TP63: variants seen among roughly 807,000 people sequenced by gnomAD.
TP63 encodes the protein tumor protein p63.
Under a neutral mutation model 82.8 loss-of-function variants are expected in TP63, and 17 were observed. The observed-to-expected ratio is 0.21, with a 90% CI of 0.14 to 0.31. The LOEUF is 0.31. TP63 is among the 10% of genes least tolerant of loss of function. The pLI is 1.00. For missense variants in TP63, 648 were observed against 895.3 expected (o/e 0.72, Z 3.52); for synonymous variants, 330 against 321.7 (o/e 1.03, Z -0.28).
At chr3:189,707,761 A>G (rs55708425) in intron 1 of TP63, among the ~76,000 whole-genome samples, 24,545 of 152,206 alleles carry the variant, frequency 0.16, 2,547 homozygotes, top group Non-Finnish European at 0.23. Context: ...CAATAAGGCA[A>G]ATTTATTGCC....
chr3:189,800,476 A>T (rs202160066), intron 3 of TP63, among the ~76,000 whole-genome samples: 1 of 35,890 alleles, frequency 2.8e-5, no homozygotes, highest in Non-Finnish European at 1.1e-4. Context: ...TTTAATGAGT[A>T]AAAAAAAAAA....
At chr3:189,877,927 G>T (rs1170534975) in intron 10 of TP63, among the ~76,000 whole-genome samples, 1 of 152,056 alleles carries the variant, frequency 6.6e-6, no homozygotes, top group Non-Finnish European at 1.5e-5. Flanking sequence ...TTTTGCCCAG[G>T]CTGGACTTGG....
rs1276675867 is a variant in TP63 at position 189,738,673 on chromosome 3, A to G, written c.223A>G (p.Asn75Asp). ...PICSVQPIDL[N>D]FVDEPSEDGA... Reference sequence around the variant, plus strand: ...ATGTTCAGTTCAGCCCATTGACTTGAACTTTGTGGATGAACCATCAGAAGA... The same window carrying G: ...ATGTTCAGTTCAGCCCATTGACTTGGACTTTGTGGATGAACCATCAGAAGA... The change falls in exon 3 of 14, where the codon AAC (asparagine) becomes GAC (aspartate). Residue 75 changes from asparagine (N) to aspartate (D), a missense_variant. Around this residue, in one of 5 missense-constraint regions of TP63, gnomAD observed 182 missense variants for 213.6 expected, o/e 0.85. Transcript: ENST00000264731. 1.2e-6 allele frequency: 2 copies of G among 1,614,090 alleles called. No homozygotes were observed. Among genetic ancestry groups the G allele is most frequent in the South Asian group, 2.2e-5 (2 of 91,080 alleles).
At chr3:189,620,305 A>G in the TP63 span, among the ~76,000 whole-genome samples, 2 of 152,122 alleles carry the variant, frequency 1.3e-5, no homozygotes, top group African/African-American at 2.4e-5. Context: ...CGGGCAGACC[A>G]TGAGGTCAAG....
chr3:189,641,999 T>C (rs541568615), intron 1 of TP63, among the ~76,000 whole-genome samples: 1 of 152,254 alleles, frequency 6.6e-6, no homozygotes, highest in South Asian at 2.1e-4. Flanking sequence ...GACCCAAAGA[T>C]TTTACTGCTT....
chr3:189,866,300 G>A (rs1431196115), intron 5 of TP63, among the ~76,000 whole-genome samples: 1 of 152,090 alleles, frequency 6.6e-6, no homozygotes, highest in Non-Finnish European at 1.5e-5. Flanking sequence ...CATTTTCTCA[G>A]TTAAACTGAT....
At chr3:189,663,331 A>G (rs919074233) in intron 1 of TP63, among the ~76,000 whole-genome samples, 3 of 152,066 alleles carry the variant, frequency 2.0e-5, no homozygotes, top group Non-Finnish European at 2.9e-5. Flanking sequence ...TTTTTCATCA[A>G]TGAAAGAAAT....
At chr3:189,874,230 T>C (rs1718768504) in intron 10 of TP63, among the ~76,000 whole-genome samples, 1 of 152,076 alleles carries the variant, frequency 6.6e-6, no homozygotes, top group Admixed American at 6.5e-5. Context: ...CCACCATGCC[T>C]GGCAGATTTT....
In TP63 at chr3:189,894,336, T is replaced by G. The variant is rs372318389; in HGVS notation, c.1877T>G (p.Val626Gly). Reference sequence around the variant, plus strand: ...CGGACCCCAAGCAGTGCCTCTACAGTCAGTGTGGGCTCCAGTGAGACCCGG... The same window carrying G: ...CGGACCCCAAGCAGTGCCTCTACAGGCAGTGTGGGCTCCAGTGAGACCCGG... Reference protein sequence around the residue: ...LLRTPSSASTVSVGSSETRGE... With the variant: ...LLRTPSSASTGSVGSSETRGE... Residue 626 changes from valine to glycine, a missense_variant, in exon 14 of 14, where the codon GTC (valine) becomes GGC (glycine). By Grantham distance (109) the Val-to-Gly change is moderately radical. This residue lies in a region of TP63 where 342 missense variants were observed against 425.7 expected (regional missense o/e 0.80). Coordinates refer to ENST00000264731, the MANE Select transcript of TP63 (RefSeq NM_003722.5). The G allele has an allele frequency of 1.4e-5, 22 of 1,613,652 alleles. No individual in the cohort carries two copies. The African/African-American group carries it at 2.5e-4, about 19-fold the overall frequency.
At chr3:189,886,709 C>T (rs35882431) in intron 11 of TP63, among the ~76,000 whole-genome samples, 158 bp downstream of exon 11, 10 of 152,256 alleles carry the variant, frequency 6.6e-5, no homozygotes, top group African/African-American at 2.4e-4. Flanking sequence ...GAACCTTTCA[C>T]TTTTGAGGTT....
At chr3:189,679,358 G>C (rs1715713799) in intron 1 of TP63, among the ~76,000 whole-genome samples, 1 of 151,728 alleles carries the variant, frequency 6.6e-6, no homozygotes, top group Non-Finnish European at 1.5e-5. Flanking sequence ...CAATGGTTTT[G>C]TTTTGCATTT....
intron 1 of TP63, among the ~76,000 whole-genome samples, chr3:189,706,982 T>A (rs1718251828): frequency 6.6e-6 from 1 of 150,782 alleles, no homozygotes; most frequent in African/African-American, 2.5e-5. Flanking sequence ...TCTGTTATGG[T>A]TCCTTAAAAG....
chr3:189,811,067 A>C (rs1051701850), intron 4 of TP63, among the ~76,000 whole-genome samples: 1 of 152,148 alleles, frequency 6.6e-6, no homozygotes, highest in African/African-American at 2.4e-5. Flanking sequence ...CCCTGACAAA[A>C]GGGATACACT....
At chr3:189,722,554 T>C (rs1032478442) in intron 1 of TP63, among the ~76,000 whole-genome samples, 5 of 152,234 alleles carry the variant, frequency 3.3e-5, no homozygotes, top group East Asian at 1.9e-4. Context: ...AGTGAACGCA[T>C]TGGGCCTGTA....
rs190422946 is a variant in TP63 at position 189,746,964 on chromosome 3, C to T, written c.324+8190C>T. Among the ~76,000 whole-genome samples, 16 of 150,586 alleles carry T rather than the reference C, an allele frequency of 1.1e-4. No homozygotes were observed. In the East Asian group the frequency reaches 1.6e-3, roughly 15 times the overall value. On this transcript the variant is annotated intron_variant, in intron 3 of 13. Transcript: ENST00000264731. ...ACACTAGCAGGACTAGCTATACTTC[C>T]GTCAGATAAAACAGATTTTAAGGGA...
chr3:189,765,138 A>G (rs1722840821), intron 3 of TP63, among the ~76,000 whole-genome samples: 1 of 152,170 alleles, frequency 6.6e-6, no homozygotes, highest in Non-Finnish European at 1.5e-5. Flanking sequence ...CCATTTAACC[A>G]AGATATTTTA....
intron 4 of TP63, among the ~76,000 whole-genome samples, chr3:189,862,990 A>G (rs1182022734): frequency 6.6e-6 from 1 of 152,260 alleles, no homozygotes; most frequent in African/African-American, 2.4e-5. Flanking sequence ...TCATTTAAAC[A>G]AATACTATAT....
intron 7 of TP63, 47 bp from the exon 8 acceptor site, chr3:189,868,533 A>G (rs1222493576): frequency 6.2e-7 from 1 of 1,610,590 alleles, no homozygotes; most frequent in Non-Finnish European, 8.5e-7. Flanking sequence ...GGGACTTTCA[A>G]AATGCTTTGA....
intron 1 of TP63, among the ~76,000 whole-genome samples, chr3:189,680,180 T>G (rs1470295208): frequency 6.6e-6 from 1 of 152,136 alleles, no homozygotes; most frequent in Admixed American, 6.6e-5. Context: ...TGTAGATATC[T>G]TTTGGGTGTT....
Sources: gnomAD v4.1 joint callset for allele counts (sites outside exome capture counted in the v4.1 genomes callset) on GRCh38, gnomAD v4.1.1 for gene constraint, gnomAD v4.1.1 regional missense constraint, MANE v1.5 for transcripts, NCBI Gene and HGNC (gene_info 2026-07-23, HGNC 2026-07-21) for gene names.